Variants in SLCO1A2 observed in about 807,000 individuals in gnomAD.
SLCO1A2 encodes the protein solute carrier organic anion transporter family member 1A2.
SLCO1A2 carries 67 observed loss-of-function variants against 69.0 expected under a neutral mutation model. The ratio of observed to expected loss-of-function variants is 0.97; its 90% CI spans 0.80 to 1.19. The LOEUF is 1.19. Ranked by LOEUF, SLCO1A2 falls within the 50% of genes most tolerant of loss-of-function variation. The pLI is 0.00. For missense variants in SLCO1A2, 787 were observed against 793.7 expected (o/e 0.99, Z 0.10); for synonymous variants, 260 against 265.9 (o/e 0.98, Z 0.22).
chr12:21,283,537 G>A (rs1046628647), intron 12 of SLCO1A2, among the ~76,000 whole-genome samples: 2 of 151,312 alleles, frequency 1.3e-5, no homozygotes, highest in African/African-American at 4.9e-5. Flanking sequence ...ATACACCACA[G>A]GCACAGATAA....
At chr12:21,292,083 G>T in intron 12 of SLCO1A2, 81 bp downstream of exon 12, 1 of 926,532 alleles carries the variant, frequency 1.1e-6, no homozygotes, top group Non-Finnish European at 1.6e-6. Flanking sequence ...CTTAGATACT[G>T]AGTCCTGAGT....
chr12:21,299,819 C>CATAT (rs371364103), intron 8 of SLCO1A2, among the ~76,000 whole-genome samples: 1 of 125,122 alleles, frequency 8.0e-6, no homozygotes, highest in African/African-American at 3.4e-5. Context: ...TACACACACA[C>CATAT]ATATACACAC....
At chr12:21,379,424 T>C (rs923432684) in intron 1 of SLCO1A2, 2 of 152,232 alleles carry the variant, frequency 1.3e-5, no homozygotes, top group Non-Finnish European at 2.9e-5. Flanking sequence ...TGCAGGGTAT[T>C]GCGAAACAAC....
chr12:21,365,086 C>T (rs967905685), intron 2 of SLCO1A2, among the ~76,000 whole-genome samples: 1 of 152,100 alleles, frequency 6.6e-6, no homozygotes, highest in Non-Finnish European at 1.5e-5. Context: ...CTCTCATTGC[C>T]AATACGATCC....
chr12:21,399,839 C>T (rs1271689779), upstream of SLCO1A2, among the ~76,000 whole-genome samples: 2 of 141,756 alleles, frequency 1.4e-5, no homozygotes, highest in South Asian at 4.8e-4. Context: ...AAAGCTGAAA[C>T]TGGATCCCTT....
upstream of SLCO1A2, chr12:21,418,106 T>G (rs1942016809): frequency 6.6e-6 from 1 of 152,184 alleles, no homozygotes. Context: ...ATTTGGATAC[T>G]ACACCTTAGG....
At chr12:21,272,552 C>G (rs1943064475) in intron 14 of SLCO1A2, among the ~76,000 whole-genome samples, 1 of 151,666 alleles carries the variant, frequency 6.6e-6, no homozygotes, top group African/African-American at 2.4e-5. Context: ...AATTTTTTCC[C>G]TTTAACTTAC....
intron 1 of SLCO1A2, among the ~76,000 whole-genome samples, chr12:21,377,059 TAA>T (rs1322020186): frequency 6.6e-6 from 1 of 152,134 alleles, no homozygotes; most frequent in Non-Finnish European, 1.5e-5. Flanking sequence ...AATAAAAACA[TAA>T]GTTAAAATTA....
At chr12:21,274,402 G>T in intron 14 of SLCO1A2, 67 bp downstream of exon 14, 1 of 991,904 alleles carries the variant, frequency 1.0e-6, no homozygotes, top group Non-Finnish European at 1.6e-6. Context: ...AAAGTTACGT[G>T]TGAATGGTGC....
At chr12:21,340,384 C>T (rs760392109) in intron 2 of SLCO1A2, among the ~76,000 whole-genome samples, 1 of 152,010 alleles carries the variant, frequency 6.6e-6, no homozygotes, top group East Asian at 1.9e-4. Flanking sequence ...GTTACCAATG[C>T]TTCAGCAGCC....
chr12:21,332,720 G>T (rs984001116), intron 2 of SLCO1A2, among the ~76,000 whole-genome samples: 29 of 152,072 alleles, frequency 1.9e-4, no homozygotes, highest in Admixed American at 1.9e-3. Context: ...GGCAGAAAAT[G>T]CAGTGAATCT....
At chr12:21,320,137 T>G (rs913970122) in intron 2 of SLCO1A2, among the ~76,000 whole-genome samples, 2 of 152,164 alleles carry the variant, frequency 1.3e-5, no homozygotes, top group African/African-American at 4.8e-5. Context: ...CCTAGCACAC[T>G]CAAATTCTTA....
chr12:21,277,528 A>G (rs961053470), intron 12 of SLCO1A2, among the ~76,000 whole-genome samples: 2 of 152,078 alleles, frequency 1.3e-5, no homozygotes, highest in Non-Finnish European at 1.5e-5. Context: ...CAGGAAGCAA[A>G]GGGAATTCTG....
At chr12:21,305,389 T>C (rs1297106390) in intron 5 of SLCO1A2, among the ~76,000 whole-genome samples, 2 of 152,242 alleles carry the variant, frequency 1.3e-5, no homozygotes, top group Non-Finnish European at 2.9e-5. Context: ...TCTCACCTCC[T>C]ATAAATTTGC....
At chr12:21,284,372 G>A (rs1210800483) in intron 12 of SLCO1A2, among the ~76,000 whole-genome samples, 1 of 152,136 alleles carries the variant, frequency 6.6e-6, no homozygotes, top group Non-Finnish European at 1.5e-5. Context: ...TCTCACTAGG[G>A]AGTGCCAGAC....
upstream of SLCO1A2, among the ~76,000 whole-genome samples, chr12:21,418,727 T>C (rs1942029337): frequency 6.6e-6 from 1 of 152,004 alleles, no homozygotes; most frequent in African/African-American, 2.4e-5. Flanking sequence ...CAACTCAAGA[T>C]GAGATTTGGA....
intron 1 of SLCO1A2, among the ~76,000 whole-genome samples, chr12:21,384,956 G>A (rs1037028021): frequency 3.3e-5 from 5 of 151,808 alleles, no homozygotes; most frequent in South Asian, 2.1e-4. Flanking sequence ...TAGTAGAGAC[G>A]GGGTTTCACC....
upstream of SLCO1A2, among the ~76,000 whole-genome samples, chr12:21,396,586 T>C (rs1482227475): frequency 6.6e-6 from 1 of 150,412 alleles, no homozygotes; most frequent in Non-Finnish European, 1.5e-5. Flanking sequence ...TCACCAAAGG[T>C]GAAATGAAGG....
rs1287889428 is a variant in SLCO1A2 at position 21,292,308 on chromosome 12, G to A, written c.1466C>T (p.Thr489Ile). 1 of 1,609,432 alleles carries A rather than the reference G, an allele frequency of 6.2e-7. No homozygotes were observed. The highest frequency in any genetic ancestry group is 1.7e-5 in the Admixed American group (1 of 59,144). The change falls in exon 12 of 15, where the codon ACA (threonine) becomes ATA (isoleucine). Residue 489 changes from threonine (T) to isoleucine (I), a missense_variant. By Grantham distance (89) the Thr-to-Ile change is moderately conservative (BLOSUM62 -1). Coordinates refer to ENST00000683939, the MANE Select transcript of SLCO1A2 (RefSeq NM_001386879.1). ...MVFQNCSCIQ[T>I]SGNSSAVLGL... is the part of the protein sequence containing the mutation. ...AAGAACTGCAGATGAATTTCCTGATGTTTGAATACAGCTGCAATTTTGGAA... is the reference window on the plus strand; with the variant it reads ...AAGAACTGCAGATGAATTTCCTGATATTTGAATACAGCTGCAATTTTGGAA...
Sources: gnomAD v4.1 joint callset for allele counts (sites outside exome capture counted in the v4.1 genomes callset) on GRCh38, gnomAD v4.1.1 for gene constraint, MANE v1.5 for transcripts, NCBI Gene and HGNC (gene_info 2026-07-23, HGNC 2026-07-21) for gene names.